Variants in CNOT1 observed in about 807,000 individuals in gnomAD.
CNOT1 encodes the protein CCR4-NOT transcription complex subunit 1.
A neutral mutation model predicts 273.8 loss-of-function variants in CNOT1; 15 were observed. That is an observed-to-expected ratio of 0.05 (90% CI 0.04 to 0.08). The LOEUF (loss-of-function observed/expected upper bound fraction) is 0.08. CNOT1 is among the 10% of genes least tolerant of loss of function. The pLI is 1.00. For synonymous variants in CNOT1, 1,022 were observed against 1,005.5 expected (o/e 1.02, Z -0.31); for missense variants, 1,644 against 2,912.2 (o/e 0.56, Z 10.02).
chr16:58,560,844 G>C (rs535624921), intron 16 of CNOT1, among the ~76,000 whole-genome samples: 12 of 152,156 alleles, frequency 7.9e-5, no homozygotes, highest in Non-Finnish European at 1.5e-4. Context: ...GGCTAACATG[G>C]TGAAACCCCG....
chr16:58,536,552 C>T (rs576976707), intron 39 of CNOT1, among the ~76,000 whole-genome samples: 4 of 152,038 alleles, frequency 2.6e-5, no homozygotes, highest in East Asian at 1.9e-4. Flanking sequence ...CATGTCACTA[C>T]GTTTAGGTAG....
chr16:58,533,629 C>T (rs1243236654), intron 40 of CNOT1, among the ~76,000 whole-genome samples: 3 of 145,412 alleles, frequency 2.1e-5, no homozygotes, highest in Non-Finnish European at 4.6e-5. Context: ...AGTGAGACTC[C>T]GTCTCAAAAC....
rs7792 is a variant in CNOT1, at chr16:58,520,237, G to T, written c.*721C>A. On this transcript the variant is annotated 3_prime_UTR_variant, in exon 49 of 49. Transcript: ENST00000317147. ...GTTTTTAAGTTTCAGGAGAGGATTG[G>T]GGGGGTGAGGGTAGGGGTGGGCTTT... 0.65 allele frequency: 97,961 copies of T among 151,446 alleles called. 32,789 individuals are homozygous for T. The highest frequency in any genetic ancestry group is 0.97 in the East Asian group (4,973 of 5,140). 9.4% of individuals were successfully genotyped at this position (151,446 alleles called of 1,614,324 possible).
Position 58,550,023 on chromosome 16 carries a change from T to C in CNOT1, c.3343-125A>G, listed in dbSNP as rs985724322. 7.1e-6 allele frequency: 10 copies of C among 1,411,700 alleles called. No homozygotes were observed. The South Asian group carries it at 8.1e-5, about 11-fold the overall frequency. 87.4% of individuals were successfully genotyped at this position (1,411,700 alleles called of 1,614,324 possible). A position where few individuals can be genotyped will look rare whatever the true frequency, so the allele number is the denominator to read the frequency against. On this transcript the variant is annotated intron_variant, in intron 24 of 48. Coordinates refer to ENST00000317147, the MANE Select transcript of CNOT1 (RefSeq NM_016284.5). ...AACTAACTAGATGCTAAAGAATGAC[T>C]TTCCTTCACACCAGATAGATGCTAT...
At chr16:58,551,531 A>AATAATTT in intron 23 of CNOT1, 58 bp downstream of exon 23, 4 of 1,529,692 alleles carry the variant, frequency 2.6e-6, no homozygotes, top group South Asian at 1.1e-5. Context: ...CATGTTCACC[A>AATAATTT]CTGATTATTA....
chr16:58,617,028 G>A (rs1427315245), intron 1 of CNOT1, among the ~76,000 whole-genome samples: 1 of 152,188 alleles, frequency 6.6e-6, no homozygotes, highest in Non-Finnish European at 1.5e-5. Context: ...GGTGTCAGAA[G>A]AGTTACTGGC....
At chr16:58,559,819 G>A (rs763152852) in intron 17 of CNOT1, 1 of 522,882 alleles carries the variant, frequency 1.9e-6, no homozygotes, top group Non-Finnish European at 3.8e-6. Flanking sequence ...TTTTAAAAGA[G>A]CAGTTCAGTT....
chr16:58,570,864 G>C (rs1297764141), intron 16 of CNOT1, among the ~76,000 whole-genome samples: 1 of 151,014 alleles, frequency 6.6e-6, no homozygotes, highest in Non-Finnish European at 1.5e-5. Context: ...AGTTAAGATG[G>C]TACACTACAA....
chr16:58,582,334 C>T (rs1007912466), intron 10 of CNOT1, among the ~76,000 whole-genome samples: 1 of 152,042 alleles, frequency 6.6e-6, no homozygotes, highest in African/African-American at 2.4e-5. Context: ...AGGCCAGGTA[C>T]AATGGCTCAC....
At chr16:58,545,640 C>G (rs2151920986) in intron 29 of CNOT1, 149 bp from the exon 30 acceptor site, 1 of 1,401,232 alleles carries the variant, frequency 7.1e-7, no homozygotes, top group Middle Eastern at 2.6e-4. Flanking sequence ...ATTTTTCCCA[C>G]CCTGAAAGGG....
In CNOT1 at chr16:58,585,642, C is replaced by T; in HGVS notation, c.638-136G>A. On this transcript the variant is annotated intron_variant, in intron 7 of 48. Transcript: ENST00000317147. Reference sequence around the variant, plus strand: ...GCCAAGCTTATTTCATTTTTCCAGCCTACTAGCCGAAGTTACGACTTTAAC... The same window carrying T: ...GCCAAGCTTATTTCATTTTTCCAGCTTACTAGCCGAAGTTACGACTTTAAC... 3 of 1,397,312 alleles carry T rather than the reference C, an allele frequency of 2.1e-6. No homozygotes were observed. In the African/African-American group the frequency reaches 4.4e-5, roughly 20 times the overall value. The allele number at this position is 1,397,312 out of a possible 1,614,324, so 86.6% of individuals were successfully genotyped here.
intron 16 of CNOT1, among the ~76,000 whole-genome samples, chr16:58,569,256 G>GGGACTATAGTC (rs556434839): frequency 1.1e-3 from 164 of 152,242 alleles, no homozygotes; most frequent in Non-Finnish European, 2.0e-3. Flanking sequence ...CCAAGTAGCT[G>GGGACTATAGTC]GGACTATAGT....
intron 1 of CNOT1, among the ~76,000 whole-genome samples, chr16:58,604,790 T>A (rs1597578774): frequency 1.1e-5 from 1 of 95,008 alleles, no homozygotes. Flanking sequence ...AGAGCGAAAC[T>A]CCGTCTAAAA....
chr16:58,553,088 C>A (rs2040508516), intron 22 of CNOT1, among the ~76,000 whole-genome samples: 1 of 152,104 alleles, frequency 6.6e-6, no homozygotes, highest in East Asian at 1.9e-4. Context: ...GCCTGGCCAA[C>A]ATGTTGAAAC....
chr16:58,530,102 G>T, intron 43 of CNOT1, 144 bp downstream of exon 43: 1 of 582,916 alleles, frequency 1.7e-6, no homozygotes, highest in Non-Finnish European at 3.0e-6. Context: ...TGCTAGTTAT[G>T]CAAGTACACT....
At position 58,539,788 on chromosome 16, in the gene CNOT1, C is replaced by A. The variant is rs761071738; in HGVS notation, c.4972G>T (p.Ala1658Ser). The change falls in exon 35 of 49, where the codon GCT (alanine) becomes TCT (serine). Residue 1658 changes from alanine (A) to serine (S), a missense_variant. Coordinates refer to ENST00000317147, the MANE Select transcript of CNOT1 (RefSeq NM_016284.5). ...CCAACCTTTTGGAGCAATCCAAGAGCAGCTATGGCATCCCGAGAGTTTCGA... is the reference window on the plus strand; with the variant it reads ...CCAACCTTTTGGAGCAATCCAAGAGAAGCTATGGCATCCCGAGAGTTTCGA... ...LSRNSRDAIA[A>S]LGLLQKAVEG... 4.3e-6 allele frequency: 7 copies of A among 1,613,590 alleles called. No homozygotes were observed. The highest frequency in any genetic ancestry group is 5.9e-6 in the Non-Finnish European group (7 of 1,179,780).
At chr16:58,589,964 C>T (rs2041999070) in intron 2 of CNOT1, among the ~76,000 whole-genome samples, 1 of 152,216 alleles carries the variant, frequency 6.6e-6, no homozygotes, top group Admixed American at 6.5e-5. Context: ...AGAAATATGA[C>T]CTGCCCCAGC....
intron 23 of CNOT1, 82 bp downstream of exon 23, chr16:58,551,507 A>G: frequency 6.8e-7 from 1 of 1,465,484 alleles, no homozygotes; most frequent in Non-Finnish European, 9.4e-7. Flanking sequence ...ATGTGTTATG[A>G]TAAAATTCTA....
intron 34 of CNOT1, 66 bp downstream of exon 34, chr16:58,541,435 A>G (rs1386080979): frequency 3.2e-6 from 5 of 1,578,120 alleles, no homozygotes; most frequent in South Asian, 2.3e-5. Flanking sequence ...TCAAAAACAT[A>G]TATTAAATGT....
Sources: allele counts gnomAD v4.1 joint callset (sites outside exome capture counted in the v4.1 genomes callset), GRCh38; gene constraint gnomAD v4.1.1; transcripts MANE v1.5; gene names NCBI Gene and HGNC (gene_info 2026-07-23, HGNC 2026-07-21).